FGF12: variants seen among roughly 807,000 people sequenced by gnomAD.
FGF12 encodes fibroblast growth factor 12.
FGF12 carries 14 observed loss-of-function variants against 23.6 expected under a neutral mutation model. The observed-to-expected ratio is 0.59, with a 90% CI of 0.39 to 0.93. FGF12 has a LOEUF of 0.93. Among genes scored for constraint, FGF12 ranks in the 40% least tolerant of loss-of-function variants. The pLI is 0.00. For missense variants in FGF12, 175 were observed against 217.8 expected (o/e 0.80, Z 1.24); for synonymous variants, 62 against 77.3 (o/e 0.80, Z 1.04).
chr3:192,184,763 C>T (rs1716363566), intron 4 of FGF12, among the ~76,000 whole-genome samples: 1 of 152,198 alleles, frequency 6.6e-6, no homozygotes, highest in African/African-American at 2.4e-5. Flanking sequence ...GCAGACCCTA[C>T]AAAAATGGTA....
chr3:192,727,035 C>T (rs1221523784), intron 2 of FGF12, 146 bp downstream of exon 2: 13 of 997,374 alleles, frequency 1.3e-5, no homozygotes, highest in Non-Finnish European at 2.0e-5. Flanking sequence ...TGCCACACTT[C>T]CCCAGTGCTG....
intron 2 of FGF12, among the ~76,000 whole-genome samples, chr3:192,647,044 T>C (rs1433766014): frequency 2.0e-5 from 3 of 152,098 alleles, no homozygotes; most frequent in East Asian, 3.9e-4. Flanking sequence ...GCTAAATGAG[T>C]TATGTCTGTA....
At chr3:192,722,613 G>A (rs2108747923) in intron 2 of FGF12, among the ~76,000 whole-genome samples, 1 of 152,222 alleles carries the variant, frequency 6.6e-6, no homozygotes, top group African/African-American at 2.4e-5. Flanking sequence ...GAGCCCTCCT[G>A]GTAGCTAAGT....
At chr3:192,427,308 G>A (rs1721718634) in intron 2 of FGF12, among the ~76,000 whole-genome samples, 1 of 151,964 alleles carries the variant, frequency 6.6e-6, no homozygotes, top group Non-Finnish European at 1.5e-5. Flanking sequence ...TTGAACCCAG[G>A]AGGCAGAGGT....
chr3:192,161,962 A>T (rs143774336), intron 5 of FGF12, among the ~76,000 whole-genome samples: 111 of 152,266 alleles, frequency 7.3e-4, no homozygotes, highest in African/African-American at 2.6e-3. Flanking sequence ...CCAAATAAAA[A>T]CAATTTAACT....
intron 4 of FGF12, among the ~76,000 whole-genome samples, chr3:192,224,317 C>A (rs1293861671): frequency 1.3e-5 from 2 of 152,088 alleles, no homozygotes; most frequent in African/African-American, 4.8e-5. Flanking sequence ...CCTTCGAAAA[C>A]AAACGTGAAG....
At chr3:192,484,002 T>TA (rs1350461983) in intron 2 of FGF12, among the ~76,000 whole-genome samples, 4 of 151,854 alleles carry the variant, frequency 2.6e-5, no homozygotes, top group South Asian at 2.1e-4. Context: ...CTGATCAATA[T>TA]AAAAAAAATT....
chr3:192,351,963 T>C (rs1031780448), intron 3 of FGF12, among the ~76,000 whole-genome samples: 4 of 152,178 alleles, frequency 2.6e-5, no homozygotes, highest in South Asian at 2.1e-4. Flanking sequence ...GCAAAATAAA[T>C]TTGCATATGT....
chr3:192,344,258 T>C (rs563741893), intron 3 of FGF12, among the ~76,000 whole-genome samples: 1 of 152,334 alleles, frequency 6.6e-6, no homozygotes, highest in Admixed American at 6.5e-5. Flanking sequence ...TTGTTCTCAT[T>C]GTTGTTTTCA....
chr3:192,639,059 G>A (rs1715691953), intron 2 of FGF12, among the ~76,000 whole-genome samples: 1 of 152,152 alleles, frequency 6.6e-6, no homozygotes. Flanking sequence ...CATCTGATAA[G>A]GGATCAGTAT....
rs766006194 is a variant in FGF12, at chr3:192,360,379, G to A, written c.124+49C>T. The A allele has an allele frequency of 7.1e-6, 9 of 1,265,742 alleles. No homozygotes were observed. The highest frequency in any genetic ancestry group is 1.2e-5 in the South Asian group (1 of 83,840). 78.4% of individuals were successfully genotyped at this position (1,265,742 alleles called of 1,614,324 possible). On this transcript the variant is annotated intron_variant, in intron 3 of 5. Transcript: ENST00000445105. This position sits in a 1 kb window ranked among gnomAD's most constrained non-coding sequence, Gnocchi z 4.3. Reference sequence around the variant, plus strand: ...ATGCTTTAAGTATAAGATACACTGGGCCCTACATTTGATTTGTAATCAGAT... The same window carrying A: ...ATGCTTTAAGTATAAGATACACTGGACCCTACATTTGATTTGTAATCAGAT...
At chr3:192,442,811 T>TC (rs1477301621) in intron 2 of FGF12, among the ~76,000 whole-genome samples, 2 of 149,858 alleles carry the variant, frequency 1.3e-5, no homozygotes, top group Non-Finnish European at 3.0e-5. Context: ...ATTCTATCTT[T>TC]TTTTTTTTTT....
chr3:192,408,288 G>T lies in FGF12; in HGVS notation c.14-47750C>A, dbSNP rs535948015. The T allele has an allele frequency of 1.3e-6, 2 of 1,486,444 alleles. No homozygotes were observed. The highest frequency in any genetic ancestry group is 2.7e-5 in the South Asian group (2 of 75,214). The allele number at this position is 1,486,444 out of a possible 1,614,324, so 92.1% of individuals were successfully genotyped here. A position where few individuals can be genotyped will look rare whatever the true frequency, so the allele number is the denominator to read the frequency against. On this transcript the variant is annotated intron_variant, in intron 2 of 5. Coordinates refer to ENST00000445105, the MANE Select transcript of FGF12 (RefSeq NM_004113.6). The surrounding 1 kb of genome is among the most constrained non-coding windows in gnomAD (Gnocchi z 7.3). ...GCCCTCCGGCTTGCGCTCCGCCGGG[G>T]CGAGGGCAGGACCTGGGCGGCCAGG... is the stretch of plus-strand genomic sequence containing the variant.
intron 2 of FGF12, among the ~76,000 whole-genome samples, chr3:192,613,349 C>T (rs1429566244): frequency 1.3e-5 from 2 of 151,714 alleles, no homozygotes; most frequent in Non-Finnish European, 2.9e-5. Context: ...ACAGACAACC[C>T]CCTCACAGGT....
At chr3:192,500,084 T>C (rs533322356) in intron 2 of FGF12, among the ~76,000 whole-genome samples, 95 of 152,318 alleles carry the variant, frequency 6.2e-4, no homozygotes, top group Non-Finnish European at 1.1e-3. Flanking sequence ...ATGTCTGCCT[T>C]AGAAATGCAC....
intron 4 of FGF12, among the ~76,000 whole-genome samples, chr3:192,235,956 T>A (rs1402458647): frequency 6.6e-6 from 1 of 152,316 alleles, no homozygotes; most frequent in South Asian, 2.1e-4. Flanking sequence ...TGTTAGGTTG[T>A]TAATTTCAGA....
intron 2 of FGF12, among the ~76,000 whole-genome samples, chr3:192,481,018 A>G (rs927513459): frequency 6.6e-6 from 1 of 152,214 alleles, no homozygotes; most frequent in African/African-American, 2.4e-5. Context: ...GCAGTGGTTA[A>G]TGCCCTGTAT....
At chr3:192,343,788 A>C (rs1015304453) in intron 3 of FGF12, among the ~76,000 whole-genome samples, 16 of 152,200 alleles carry the variant, frequency 1.1e-4, no homozygotes, top group African/African-American at 3.6e-4. Context: ...GTTTCCCTGA[A>C]AACTAGGGAT....
intron 4 of FGF12, among the ~76,000 whole-genome samples, chr3:192,171,947 T>A (rs79877647): frequency 0.022 from 3,338 of 152,136 alleles, 144 homozygotes; most frequent in African/African-American, 0.076. Context: ...GGTCTTGCTA[T>A]GTTGCATAGG....
Sources: allele counts gnomAD v4.1 joint callset (sites outside exome capture counted in the v4.1 genomes callset), GRCh38; gene constraint gnomAD v4.1.1; non-coding constraint Gnocchi (gnomAD v3.1); transcripts MANE v1.5; gene names NCBI Gene and HGNC (gene_info 2026-07-23, HGNC 2026-07-21).